JAZF1: variants seen among roughly 807,000 people sequenced by gnomAD.
The protein encoded by JAZF1 is juxtaposed with another zinc finger protein 1.
A neutral mutation model predicts 26.4 loss-of-function variants in JAZF1; 8 were observed. The observed-to-expected ratio is 0.30, with a 90% confidence interval of 0.18 to 0.55. The LOEUF (loss-of-function observed/expected upper bound fraction) is 0.55. Among genes scored for constraint, JAZF1 ranks in the 20% least tolerant of loss-of-function variants. JAZF1 has a pLI of 0.94. For missense variants in JAZF1, 199 were observed against 322.0 expected (o/e 0.62, Z 2.92); for synonymous variants, 126 against 122.3 (o/e 1.03, Z -0.20).
At chr7:27,973,141 A>G (rs1382566259) in intron 2 of JAZF1, among the ~76,000 whole-genome samples, 1 of 152,130 alleles carries the variant, frequency 6.6e-6, no homozygotes, top group Non-Finnish European at 1.5e-5. Flanking sequence ...GAGAGAGGAG[A>G]GAAGCTATTA....
intron 2 of JAZF1, among the ~76,000 whole-genome samples, chr7:27,980,600 A>C (rs1785564659): frequency 6.6e-6 from 1 of 152,156 alleles, no homozygotes; most frequent in South Asian, 2.1e-4. Context: ...TGAGATGCCC[A>C]AATGTCTATC....
intron 2 of JAZF1, among the ~76,000 whole-genome samples, chr7:27,916,357 G>A (rs954885833): frequency 1.3e-5 from 2 of 151,926 alleles, no homozygotes; most frequent in Non-Finnish European, 2.9e-5. Context: ...ATAGTACTAA[G>A]TTTCTTTGAA....
At chr7:27,931,661 CA>C (rs1196192058) in intron 2 of JAZF1, among the ~76,000 whole-genome samples, 1 of 152,044 alleles carries the variant, frequency 6.6e-6, no homozygotes, top group Non-Finnish European at 1.5e-5. Flanking sequence ...ACTAAAAATA[CA>C]AAAAAATTAG....
intron 1 of JAZF1, among the ~76,000 whole-genome samples, chr7:28,085,774 C>A (rs1784203928): frequency 6.6e-6 from 1 of 152,142 alleles, no homozygotes; most frequent in African/African-American, 2.4e-5. Context: ...TTAATGTATC[C>A]CATTTCTTAT....
intron 2 of JAZF1, among the ~76,000 whole-genome samples, chr7:27,900,054 TC>T (rs1055331361): frequency 7.5e-4 from 114 of 152,170 alleles, no homozygotes; most frequent in African/African-American, 2.7e-3. Context: ...ACCACTGGGC[TC>T]CCCGGTTGTG....
chr7:27,895,008 C>T (rs955814021), intron 3 of JAZF1, among the ~76,000 whole-genome samples: 3 of 151,958 alleles, frequency 2.0e-5, no homozygotes, highest in Admixed American at 1.3e-4. Context: ...ATCTACAAAA[C>T]CATTATCACA....
At chr7:28,059,077 G>A (rs1009612377) in intron 1 of JAZF1, among the ~76,000 whole-genome samples, 1 of 152,132 alleles carries the variant, frequency 6.6e-6, no homozygotes, top group Non-Finnish European at 1.5e-5. Flanking sequence ...GGTGATAGTA[G>A]TAACATAATA....
At chr7:27,955,055 GC>G (rs757775071) in intron 2 of JAZF1, among the ~76,000 whole-genome samples, 2 of 152,216 alleles carry the variant, frequency 1.3e-5, no homozygotes, top group Non-Finnish European at 2.9e-5. Flanking sequence ...ACCGTGCCCA[GC>G]CAGGACTTCT....
intron 1 of JAZF1, among the ~76,000 whole-genome samples, chr7:28,170,470 AGC>A (rs1265142640): frequency 2.0e-5 from 3 of 151,806 alleles, no homozygotes; most frequent in Non-Finnish European, 2.9e-5. Flanking sequence ...AATGATCATC[AGC>A]GAGAGAGAGA....
intron 1 of JAZF1, among the ~76,000 whole-genome samples, chr7:28,162,285 A>G (rs1288243389): frequency 1.3e-5 from 2 of 152,244 alleles, no homozygotes; most frequent in African/African-American, 2.4e-5. Context: ...CTAATGCAAT[A>G]AAAGTGGAAA....
chr7:28,143,275 T>C (rs1324708150), intron 1 of JAZF1, among the ~76,000 whole-genome samples: 2 of 152,188 alleles, frequency 1.3e-5, no homozygotes, highest in Non-Finnish European at 2.9e-5. Context: ...TCTTCAGAAC[T>C]CATCCATGTC....
In JAZF1 at chr7:27,830,782, A is replaced by C. The variant is rs1782671191; in HGVS notation, c.*2018T>G. On this transcript the variant is annotated 3_prime_UTR_variant, in exon 5 of 5. Coordinates refer to ENST00000283928, the MANE Select transcript of JAZF1 (RefSeq NM_175061.4). Reference sequence around the variant, plus strand: ...ACAGACACAGTACAATACATTCACTATACACAGTATAACAAAATATTCCCA... The same window carrying C: ...ACAGACACAGTACAATACATTCACTCTACACAGTATAACAAAATATTCCCA... The C allele has an allele frequency of 4.9e-6, 1 of 202,060 alleles. No homozygotes were observed. Among genetic ancestry groups the C allele is most frequent in the Admixed American group, 6.0e-5 (1 of 16,684 alleles). 12.5% of individuals were successfully genotyped at this position (202,060 alleles called of 1,614,324 possible).
intron 1 of JAZF1, among the ~76,000 whole-genome samples, chr7:28,052,051 G>A (rs900215514): frequency 5.9e-5 from 9 of 152,164 alleles, no homozygotes; most frequent in African/African-American, 9.7e-5. Context: ...TTAACCTTGT[G>A]CACACCTCCT....
chr7:28,122,345 G>A (rs1367640074), intron 1 of JAZF1, among the ~76,000 whole-genome samples: 1 of 152,150 alleles, frequency 6.6e-6, no homozygotes, highest in Admixed American at 6.5e-5. Flanking sequence ...CTCCTACCAT[G>A]TCTGGAACAT....
At chr7:27,876,643 T>C (rs997445399) in intron 3 of JAZF1, among the ~76,000 whole-genome samples, 3 of 152,184 alleles carry the variant, frequency 2.0e-5, no homozygotes, top group African/African-American at 7.2e-5. Context: ...AATTAATAAT[T>C]AGCTTTGGCA....
intron 3 of JAZF1, chr7:27,844,224 T>C (rs1782976984): frequency 6.6e-6 from 1 of 152,222 alleles, no homozygotes. Flanking sequence ...GTTAGTCTCC[T>C]TTCAAACATT....
intron 1 of JAZF1, among the ~76,000 whole-genome samples, chr7:28,177,861 A>G (rs1256661700): frequency 2.0e-5 from 3 of 152,182 alleles, no homozygotes; most frequent in East Asian, 3.8e-4. Context: ...ATATGACACT[A>G]TCTACTAATT....
At chr7:28,083,113 C>T (rs1784162234) in intron 1 of JAZF1, among the ~76,000 whole-genome samples, 1 of 152,172 alleles carries the variant, frequency 6.6e-6, no homozygotes, top group Non-Finnish European at 1.5e-5. Context: ...CATTGCCTTC[C>T]AGCTTTTTGG....
At chr7:28,035,313 CAAAAAAAAAAA>C (rs201602870) in intron 1 of JAZF1, among the ~76,000 whole-genome samples, 3,739 of 27,436 alleles carry the variant, frequency 0.14, 58 homozygotes, top group Admixed American at 0.18. Context: ...GACTCCATCT[CAAAAAAAAAAA>C]AAAAAAAAAA....
Sources: gnomAD v4.1 joint callset for allele counts (sites outside exome capture counted in the v4.1 genomes callset) on GRCh38, gnomAD v4.1.1 for gene constraint, MANE v1.5 for transcripts, NCBI Gene and HGNC (gene_info 2026-07-23, HGNC 2026-07-21) for gene names.